Variants in SH3PXD2A observed in about 807,000 individuals in gnomAD.
SH3PXD2A encodes SH3 and PX domains 2A.
SH3PXD2A carries 32 observed loss-of-function variants against 115.2 expected under a neutral mutation model. The observed-to-expected ratio is 0.28, with a 90% confidence interval of 0.21 to 0.37. SH3PXD2A has a LOEUF of 0.37. Among genes scored for constraint, SH3PXD2A ranks in the 10% least tolerant of loss-of-function variants. SH3PXD2A has a pLI of 1.00. For synonymous variants in SH3PXD2A, 610 were observed against 629.1 expected, an observed-to-expected ratio of 0.97 and a Z score of 0.45; for missense variants, 1,328 against 1,498.7, an observed-to-expected ratio of 0.89 and a Z score of 1.88.
At chr10:103,706,191 G>T (rs1306995839) in intron 5 of SH3PXD2A, among the ~76,000 whole-genome samples, 1 of 152,164 alleles carries the variant, frequency 6.6e-6, no homozygotes, top group Admixed American at 6.5e-5. Flanking sequence ...GATGCACTGT[G>T]GTTTCCGATG....
intron 8 of SH3PXD2A, among the ~76,000 whole-genome samples, chr10:103,639,139 A>G (rs922369064): frequency 4.6e-5 from 7 of 152,228 alleles, no homozygotes; most frequent in African/African-American, 1.4e-4. Flanking sequence ...AGACAGCCCC[A>G]TGCAGTGGAC....
rs2036712133 is a variant in SH3PXD2A at position 103,627,259 on chromosome 10, G to A, written c.605-57C>T. The A allele has an allele frequency of 8.6e-6, 9 of 1,040,656 alleles. No individual in the cohort carries two copies. In the Admixed American group the frequency reaches 1.6e-4, roughly 18 times the overall value. 64.5% of individuals were successfully genotyped at this position (1,040,656 alleles called of 1,614,324 possible). A position where few individuals can be genotyped will look rare whatever the true frequency, so the allele number is the denominator to read the frequency against. On this transcript the variant is annotated intron_variant, in intron 8 of 14. Transcript: ENST00000369774. This position sits in a 1 kb window ranked among gnomAD's most constrained non-coding sequence, Gnocchi z 4.4. Reference sequence around the variant, plus strand: ...GAGATTCTGCAGGGTGGCAGGGGTGGCTCGGGGGCCAGGACAAGGATGGAA... The same window carrying A: ...GAGATTCTGCAGGGTGGCAGGGGTGACTCGGGGGCCAGGACAAGGATGGAA...
In SH3PXD2A at chr10:103,665,689, C is replaced by T. The variant is rs2134069253; in HGVS notation, c.472+2919G>A. Reference sequence around the variant, plus strand: ...GATGAGAAACCACTTGCAGGCCAGGCAGGCAGTGGGCGGTGATGTCATCCC... The same window carrying T: ...GATGAGAAACCACTTGCAGGCCAGGTAGGCAGTGGGCGGTGATGTCATCCC... On this transcript the variant is annotated intron_variant, in intron 7 of 14. Coordinates refer to ENST00000369774, the MANE Select transcript of SH3PXD2A (RefSeq NM_001394015.1). This position sits in a 1 kb window ranked among gnomAD's most constrained non-coding sequence, Gnocchi z 4.0. Among the ~76,000 whole-genome samples the T allele has an allele frequency of 6.6e-6, 1 of 152,282 alleles. No homozygotes were observed. Among genetic ancestry groups the T allele is most frequent in the African/African-American group, 2.4e-5 (1 of 41,548 alleles).
At chr10:103,707,475 G>A (rs773391645) in intron 5 of SH3PXD2A, among the ~76,000 whole-genome samples, 1 of 152,150 alleles carries the variant, frequency 6.6e-6, no homozygotes, top group South Asian at 2.1e-4. Flanking sequence ...GATTATAGGC[G>A]TGAGCCACCG....
At chr10:103,742,382 G>T (rs1395539711) in intron 3 of SH3PXD2A, among the ~76,000 whole-genome samples, 1 of 152,126 alleles carries the variant, frequency 6.6e-6, no homozygotes, top group Non-Finnish European at 1.5e-5. Context: ...ATCTCCTTCT[G>T]CCTTTCTCTT....
chr10:103,757,594 G>A (rs140660673), intron 3 of SH3PXD2A, among the ~76,000 whole-genome samples: 45 of 152,236 alleles, frequency 3.0e-4, no homozygotes, highest in Admixed American at 1.8e-3. Context: ...TGGGGATGTC[G>A]CGGGGGAAGG....
intron 8 of SH3PXD2A, among the ~76,000 whole-genome samples, chr10:103,653,785 T>C (rs1033533801): frequency 6.6e-6 from 1 of 152,054 alleles, no homozygotes; most frequent in Non-Finnish European, 1.5e-5. Context: ...AAGCACTATT[T>C]GCAGAGCTGC....
Position 103,619,699 on chromosome 10 carries a change from G to C in SH3PXD2A, c.803-2385C>G, listed in dbSNP as rs141486360. Among the ~76,000 whole-genome samples the C allele has an allele frequency of 1.7e-3, 253 of 152,340 alleles. 1 individual carries two copies. Among genetic ancestry groups the C allele is most frequent in the African/African-American group, 5.8e-3 (242 of 41,574 alleles). The stretch of plus-strand genomic sequence containing the variant: ...GCTCAGGCTTTCTCCTGACCTCTTG[G>C]GGGTGGGGGCAGAACCAGGGATATC... On this transcript the variant is annotated intron_variant, in intron 10 of 14. Transcript: ENST00000369774.
chr10:103,738,277 C>A (rs1012608862), intron 3 of SH3PXD2A, among the ~76,000 whole-genome samples: 1 of 152,228 alleles, frequency 6.6e-6, no homozygotes, highest in Non-Finnish European at 1.5e-5. Flanking sequence ...GTCACAGATT[C>A]GGTATTCCTT....
intron 10 of SH3PXD2A, among the ~76,000 whole-genome samples, chr10:103,619,616 C>G (rs1028219208): frequency 2.6e-5 from 4 of 152,172 alleles, no homozygotes; most frequent in African/African-American, 9.7e-5. Flanking sequence ...TAGGGCCCAG[C>G]CCCAGCCTTC....
In SH3PXD2A at chr10:103,840,245, G is replaced by C. The variant is rs147191750; in HGVS notation, c.72+14950C>G. On this transcript the variant is annotated intron_variant, in intron 1 of 14. Transcript: ENST00000369774. ...CTGGCCACCTGTTGGGTTTCACTGA[G>C]TGGAATGGTCTAGGTGTCAAAAACA... 3.1e-3 allele frequency among the ~76,000 whole-genome samples: 474 copies of C among 152,320 alleles called. 1 individual carries two copies. The highest frequency in any genetic ancestry group is 7.8e-3 in the African/African-American group (323 of 41,572).
chr10:103,730,091 A>T (rs1440655970), intron 4 of SH3PXD2A, among the ~76,000 whole-genome samples: 1 of 152,200 alleles, frequency 6.6e-6, no homozygotes, highest in African/African-American at 2.4e-5. Flanking sequence ...GTCATCCTCC[A>T]CAGAGCCCAC....
intron 8 of SH3PXD2A, among the ~76,000 whole-genome samples, chr10:103,655,444 T>A (rs1404578990): frequency 6.6e-6 from 1 of 152,160 alleles, no homozygotes; most frequent in Non-Finnish European, 1.5e-5. Flanking sequence ...GCACAGAATC[T>A]AAGCAAGATG....
chr10:103,732,308 C>T (rs912358659), intron 4 of SH3PXD2A, among the ~76,000 whole-genome samples: 3 of 152,188 alleles, frequency 2.0e-5, no homozygotes, highest in African/African-American at 7.2e-5. Flanking sequence ...AAGTCTTCGA[C>T]TTGTTGAGGT....
chr10:103,636,215 T>A (rs2036861381), intron 8 of SH3PXD2A, among the ~76,000 whole-genome samples: 1 of 152,142 alleles, frequency 6.6e-6, no homozygotes, highest in Non-Finnish European at 1.5e-5. Flanking sequence ...GAGGCCAGCC[T>A]GGCCAACATA....
chr10:103,785,556 G>A (rs145561077), intron 2 of SH3PXD2A, among the ~76,000 whole-genome samples: 1,535 of 152,250 alleles, frequency 0.01, 29 homozygotes, highest in African/African-American at 0.035. Flanking sequence ...CTTCTGGGAG[G>A]GGGACAGAGC....
At chr10:103,687,906 C>A (rs1400389320) in intron 6 of SH3PXD2A, among the ~76,000 whole-genome samples, 1 of 152,196 alleles carries the variant, frequency 6.6e-6, no homozygotes, top group East Asian at 1.9e-4. Context: ...ACACCGTCAC[C>A]CCAGGGCCTT....
intron 2 of SH3PXD2A, among the ~76,000 whole-genome samples, chr10:103,798,119 G>A (rs993500414): frequency 6.6e-6 from 1 of 152,140 alleles, no homozygotes; most frequent in Non-Finnish European, 1.5e-5. Context: ...GAGACATAAG[G>A]GAGGGGAAGT....
chr10:103,777,432 G>A (rs1589450842), intron 2 of SH3PXD2A, among the ~76,000 whole-genome samples: 1 of 152,244 alleles, frequency 6.6e-6, no homozygotes, highest in Non-Finnish European at 1.5e-5. Flanking sequence ...CCCAGCTGGC[G>A]TGCGTGGGCC....
Sources: gnomAD v4.1 joint callset for allele counts (sites outside exome capture counted in the v4.1 genomes callset) on GRCh38, gnomAD v4.1.1 for gene constraint, Gnocchi (gnomAD v3.1) non-coding constraint, MANE v1.5 for transcripts, NCBI Gene and HGNC (gene_info 2026-07-23, HGNC 2026-07-21) for gene names.